C17orf75: variants seen among roughly 807,000 people sequenced by gnomAD.
C17orf75 encodes protein Njmu-R1.
In C17orf75, 32 loss-of-function variants were observed where a neutral mutation model predicts 49.6. That is an observed-to-expected ratio of 0.65 (90% CI 0.49 to 0.87). The LOEUF (loss-of-function observed/expected upper bound fraction) is 0.87. Among genes scored for constraint, C17orf75 ranks in the 40% least tolerant of loss-of-function variants. The pLI is 0.00. For missense variants in C17orf75, 428 were observed against 473.9 expected, an observed-to-expected ratio of 0.90 and a Z score of 0.90; for synonymous variants, 158 against 159.5, an observed-to-expected ratio of 0.99 and a Z score of 0.07.
In C17orf75 at chr17:32,342,026, G is replaced by A. The variant is rs2041386316; in HGVS notation, c.114C>T (p.Tyr38=). 4 of 1,544,526 alleles carry A rather than the reference G, an allele frequency of 2.6e-6. No homozygotes were observed. The East Asian group carries it at 1.0e-4, about 39-fold the overall frequency. The change falls in exon 1 of 10, where the codon TAC becomes TAT. Residue 38 remains tyrosine, a synonymous_variant. Coordinates refer to ENST00000577809, the MANE Select transcript of C17orf75 (RefSeq NM_022344.4). ...RRLEPPSSSH[Y]CLYSYRGSRL... ...TGCTTCCGCGATAGCTGTAAAGACA[G>A]TAGTGGCTGCTGGACGGCGGCTCGA...
upstream of C17orf75, among the ~76,000 whole-genome samples, chr17:32,342,863 C>T (rs1249794935): frequency 1.3e-5 from 2 of 152,200 alleles, no homozygotes; most frequent in Non-Finnish European, 2.9e-5. Flanking sequence ...AGTTCTAACA[C>T]CAATTCACAT....
upstream of C17orf75, chr17:32,343,567 A>G (rs796175346): frequency 2.8e-6 from 1 of 356,992 alleles, no homozygotes; most frequent in Non-Finnish European, 5.0e-6. Context: ...GCCTCTCCAT[A>G]TCAAAGTGGA....
upstream of C17orf75, among the ~76,000 whole-genome samples, chr17:32,345,782 G>A (rs184446185): frequency 1.7e-4 from 26 of 152,102 alleles, 1 homozygote; most frequent in Admixed American, 1.4e-3. Flanking sequence ...TCCTGACCTC[G>A]TGATCTGCCC....
chr17:32,337,196 C>T (rs2041333757), intron 5 of C17orf75, among the ~76,000 whole-genome samples: 2 of 152,038 alleles, frequency 1.3e-5, no homozygotes, highest in South Asian at 4.2e-4. Context: ...CACAATGGCT[C>T]GTGTCTGTAA....
rs2041342290 is a variant in C17orf75, at chr17:32,338,016, GA to G, written c.492-63del. 2.0e-6 allele frequency: 3 copies of G among 1,537,856 alleles called. No individual in the cohort carries two copies. In the East Asian group the frequency reaches 6.8e-5, roughly 35 times the overall value. On this transcript the variant is annotated intron_variant, in intron 4 of 9. Coordinates refer to ENST00000577809, the MANE Select transcript of C17orf75 (RefSeq NM_022344.4). The stretch of plus-strand genomic sequence containing the variant: ...AAGACAGTATTTCATCTCTCAACAA[GA>G]AATATAAAATCTCTCAAATAATGTG...
intron 5 of C17orf75, among the ~76,000 whole-genome samples, chr17:32,336,769 G>A (rs981738463): frequency 2.0e-5 from 3 of 152,098 alleles, no homozygotes; most frequent in Admixed American, 6.6e-5. Context: ...TGAATAGATC[G>A]AATTTTTCAT....
intron 1 of C17orf75, 129 bp from the exon 2 acceptor site, chr17:32,341,413 C>T (rs2041379487): frequency 1.1e-6 from 1 of 875,022 alleles, no homozygotes; most frequent in South Asian, 1.4e-5. Context: ...CACTGCCTAT[C>T]CTCATGACAA....
chr17:32,345,150 G>T (rs955208893), upstream of C17orf75, among the ~76,000 whole-genome samples: 1 of 151,750 alleles, frequency 6.6e-6, no homozygotes, highest in Non-Finnish European at 1.5e-5. Flanking sequence ...CGTCTTTATT[G>T]TATTTTCACA....
chr17:32,347,034 C>T (rs1458713391), upstream of C17orf75, among the ~76,000 whole-genome samples: 5 of 152,068 alleles, frequency 3.3e-5, no homozygotes, highest in African/African-American at 9.7e-5. Context: ...TCACTGCAAC[C>T]TCCACCTGCC....
chr17:32,338,127 T>C (rs1597735985), intron 4 of C17orf75, 81 bp downstream of exon 4: 1 of 1,573,046 alleles, frequency 6.4e-7, no homozygotes, highest in Non-Finnish European at 8.6e-7. Flanking sequence ...GAAAAGCTTT[T>C]TGGAGGTTGG....
intron 1 of C17orf75, 186 bp downstream of exon 1, chr17:32,341,814 G>C (rs562675508): frequency 9.4e-6 from 10 of 1,064,028 alleles, no homozygotes; most frequent in Non-Finnish European, 1.1e-5. Context: ...TCCACGACGG[G>C]GGCCAGGAAG....
At chr17:32,332,744 T>G (rs1241402528) in intron 9 of C17orf75, among the ~76,000 whole-genome samples, 1 of 152,056 alleles carries the variant, frequency 6.6e-6, no homozygotes, top group African/African-American at 2.4e-5. Flanking sequence ...CTAGCCTGAG[T>G]GACAGAGTAA....
chr17:32,339,094 AAAAAC>A (rs935600903), intron 3 of C17orf75, among the ~76,000 whole-genome samples: 6 of 152,190 alleles, frequency 3.9e-5, no homozygotes, highest in East Asian at 1.9e-4. Context: ...CTGTCTTAAA[AAAAAC>A]AAAACAAAAC....
chr17:32,349,070 C>A (rs1156422270), intron 1 of C17orf75, among the ~76,000 whole-genome samples: 2 of 151,170 alleles, frequency 1.3e-5, no homozygotes, highest in African/African-American at 4.8e-5. Context: ...TTCACCATGT[C>A]GGCCAGGCTG....
At chr17:32,333,289 T>C in intron 9 of C17orf75, 128 bp downstream of exon 9, 1 of 676,474 alleles carries the variant, frequency 1.5e-6, no homozygotes, top group Non-Finnish European at 2.6e-6. Context: ...TTCTGATAAT[T>C]CCAGTTTTGA....
intron 9 of C17orf75, among the ~76,000 whole-genome samples, chr17:32,332,667 G>A (rs1334223748): frequency 1.3e-5 from 2 of 152,150 alleles, no homozygotes; most frequent in African/African-American, 4.8e-5. Flanking sequence ...TCAGGAGGCT[G>A]AGACAGGAAG....
chr17:32,334,432 GA>G (rs778826076), intron 8 of C17orf75, 36 bp downstream of exon 8: 1 of 1,594,930 alleles, frequency 6.3e-7, no homozygotes, highest in Non-Finnish European at 8.5e-7. Context: ...GGACTCGCAA[GA>G]GATGTAGGAA....
intron 1 of C17orf75, among the ~76,000 whole-genome samples, chr17:32,348,788 T>C (rs1597743039): frequency 6.6e-6 from 1 of 151,508 alleles, no homozygotes. Context: ...AGAATGCTTC[T>C]AGGGTTCGCC....
At chr17:32,336,620 C>G (rs2041328750) in intron 5 of C17orf75, among the ~76,000 whole-genome samples, 1 of 152,178 alleles carries the variant, frequency 6.6e-6, no homozygotes, top group Non-Finnish European at 1.5e-5. Context: ...AGTTCAAGAA[C>G]AGCCATACTA....
Sources: gnomAD v4.1 joint callset for allele counts (sites outside exome capture counted in the v4.1 genomes callset) on GRCh38, gnomAD v4.1.1 for gene constraint, MANE v1.5 for transcripts, NCBI Gene and HGNC (gene_info 2026-07-23, HGNC 2026-07-21) for gene names.